The following HEMK1 variants were observed in gnomAD, a reference collection of about 807,000 sequenced individuals.
The protein encoded by HEMK1 is HemK methyltransferase 1, mitochondrial release factors N(5)-glutamine, also known as MTRF1L release factor glutamine methyltransferase.
HEMK1 carries 36 observed loss-of-function variants against 47.9 expected under a neutral mutation model. The ratio of observed to expected loss-of-function variants is 0.75; its 90% CI spans 0.58 to 0.99. The LOEUF (loss-of-function observed/expected upper bound fraction) is 0.99, where lower values mean the gene tolerates loss of function less well. Ranked by LOEUF, HEMK1 falls within the 50% of genes least tolerant of loss-of-function variation. The pLI is 0.00. For missense variants in HEMK1, 383 were observed against 434.5 expected (o/e 0.88, Z 1.05); for synonymous variants, 153 against 165.4 (o/e 0.93, Z 0.57).
chr3:50,578,961 G>A lies in HEMK1; in HGVS notation c.770+35G>A, dbSNP rs746978334. 22 of 1,486,858 alleles carry A rather than the reference G, an allele frequency of 1.5e-5. No homozygotes were observed. In the African/African-American group the frequency reaches 3.0e-4, roughly 21 times the overall value. 92.1% of individuals were successfully genotyped at this position (1,486,858 alleles called of 1,614,324 possible). Reference sequence around the variant, plus strand: ...AGGGTGGGCCAGGGAGGCCAGGCCTGAAAAGGCCTGATGGGATTAGTCTGC... The same window carrying A: ...AGGGTGGGCCAGGGAGGCCAGGCCTAAAAAGGCCTGATGGGATTAGTCTGC... On this transcript the variant is annotated intron_variant, in intron 8 of 10. Coordinates refer to ENST00000232854, the MANE Select transcript of HEMK1 (RefSeq NM_016173.5).
chr3:50,573,166 G>T (rs941707540), intron 4 of HEMK1, among the ~76,000 whole-genome samples: 1 of 152,060 alleles, frequency 6.6e-6, no homozygotes, highest in Admixed American at 6.5e-5. Context: ...TCAGGGCAGG[G>T]ACAGTAGGGA....
rs1164629805 is a variant in HEMK1, at chr3:50,571,000, C to T, written c.-105C>T. 7.3e-6 allele frequency: 6 copies of T among 819,262 alleles called. No homozygotes were observed. The highest frequency in any genetic ancestry group is 2.8e-5 in the East Asian group (1 of 36,026). The allele number at this position is 819,262 out of a possible 1,614,324, so 50.7% of individuals were successfully genotyped here. A position where few individuals can be genotyped will look rare whatever the true frequency, so the allele number is the denominator to read the frequency against. On this transcript the variant is annotated 5_prime_UTR_variant, in exon 2 of 11. Transcript: ENST00000232854. ...CCAGAGCTTGTGACCTCTCCATCTC[C>T]ACCCAGCTGGGTCCAGGGGCCACTC...
rs762889 is a variant in HEMK1 at position 50,579,991 on chromosome 3, C to T, written c.866+52C>T. The T allele has an allele frequency of 0.025, 39,035 of 1,533,964 alleles. 6,011 individuals carry two copies. The East Asian group carries it at 0.33, about 13-fold the overall frequency. On this transcript the variant is annotated intron_variant, in intron 9 of 10. Coordinates refer to ENST00000232854, the MANE Select transcript of HEMK1 (RefSeq NM_016173.5). ...CTGTCCCCAGCAGGCTCCTCTGCTC[C>T]TAATGTGTACTGGGCAGGCCCTGGC...
At chr3:50,577,666 A>G in intron 6 of HEMK1, 93 bp downstream of exon 6, 1 of 1,436,480 alleles carries the variant, frequency 7.0e-7, no homozygotes, top group African/African-American at 1.4e-5. Flanking sequence ...AAGAAGGAGG[A>G]AGCAGTGGGG....
intron 4 of HEMK1, among the ~76,000 whole-genome samples, chr3:50,575,952 T>G (rs1701547391): frequency 6.6e-6 from 1 of 152,234 alleles, no homozygotes; most frequent in Non-Finnish European, 1.5e-5. Context: ...AGGCAGTGGC[T>G]GGGTAGGCAA....
rs1241346331 is a variant in HEMK1 at position 50,595,893 on chromosome 3, C to T, written c.*15476C>T. On this transcript the variant is annotated 3_prime_UTR_variant, in exon 11 of 11. Transcript: ENST00000232854. ...AGCCACGCAAAGGAAGAGGTTTCCA[C>T]ACCTGGGATTGATACTGCTGGGACT... 6.6e-5 allele frequency: 10 copies of T among 152,232 alleles called. No individual in the cohort carries two copies. The highest frequency in any genetic ancestry group is 1.5e-4 in the Non-Finnish European group (10 of 68,048). The allele number at this position is 152,232 out of a possible 1,614,324, so 9.4% of individuals were successfully genotyped here. A position where few individuals can be genotyped will look rare whatever the true frequency, so the allele number is the denominator to read the frequency against.
chr3:50,589,242 A>G lies in HEMK1; in HGVS notation c.*8825A>G, dbSNP rs2107538385. ...CGCTGATTCTCACAGATAATTGTTT[A>G]CAAATGCTAGCACTGTGTCTGAAGC... On this transcript the variant is annotated 3_prime_UTR_variant, in exon 11 of 11. Transcript: ENST00000232854. 1.3e-5 allele frequency: 2 copies of G among 152,290 alleles called. No individual in the cohort carries two copies. Among genetic ancestry groups the G allele is most frequent in the South Asian group, 4.1e-4 (2 of 4,828 alleles). 9.4% of individuals were successfully genotyped at this position (152,290 alleles called of 1,614,324 possible). A position where few individuals can be genotyped will look rare whatever the true frequency, so the allele number is the denominator to read the frequency against.
At chr3:50,573,857 C>T (rs1166216550) in intron 4 of HEMK1, among the ~76,000 whole-genome samples, 1 of 152,174 alleles carries the variant, frequency 6.6e-6, no homozygotes, top group African/African-American at 2.4e-5. Context: ...TGGTTCAGCC[C>T]CTGGCCTGGC....
chr3:50,570,599 T>C (rs1490530436), intron 1 of HEMK1: 4 of 152,444 alleles, frequency 2.6e-5, no homozygotes, highest in Admixed American at 2.6e-4. Flanking sequence ...CCCCATCTTA[T>C]GGATTAAGAA....
rs1478174067 is a variant in HEMK1, at chr3:50,580,221, C to G, written c.972C>G (p.Phe324Leu). 6.2e-7 allele frequency: 1 copy of G among 1,613,992 alleles called. No individual in the cohort carries two copies. The highest frequency in any genetic ancestry group is 1.1e-5 in the South Asian group (1 of 91,084). ...ATCTTGTGGCTGTGCGCAGGGACTT[C>G]TGTGGGAGGTAAGATCCTAGCCCCC... is the stretch of plus-strand genomic sequence containing the variant. Reference protein sequence around the residue: ...YLNLVAVRRDFCGRPRFLHIR... With the variant: ...YLNLVAVRRDLCGRPRFLHIR... Residue 324 changes from phenylalanine (F) to leucine (L), a missense_variant, in exon 10 of 11, where the codon TTC becomes TTG. Phe to Leu is a conservative substitution (Grantham distance 22, BLOSUM62 0). Transcript: ENST00000232854.
At chr3:50,575,935 T>C (rs982806937) in intron 4 of HEMK1, among the ~76,000 whole-genome samples, 2 of 152,230 alleles carry the variant, frequency 1.3e-5, no homozygotes, top group Non-Finnish European at 2.9e-5. Context: ...ACAGGCATAG[T>C]CCTTGCAGGC....
chr3:50,572,254 T>G, intron 4 of HEMK1, 46 bp downstream of exon 4: 1 of 1,571,886 alleles, frequency 6.4e-7, no homozygotes, highest in Non-Finnish European at 8.7e-7. Flanking sequence ...GATGGTGGAG[T>G]TCAGGGCACC....
At chr3:50,579,988 C>T in intron 9 of HEMK1, 49 bp downstream of exon 9, 1 of 1,552,568 alleles carries the variant, frequency 6.4e-7, no homozygotes, top group South Asian at 1.1e-5. Flanking sequence ...GGCTCCTCTG[C>T]TCCTAATGTG....
chr3:50,594,649 C>T lies in HEMK1; in HGVS notation c.*14232C>T, dbSNP rs2031877460. 6.6e-6 allele frequency: 1 copy of T among 152,306 alleles called. No individual in the cohort carries two copies. The highest frequency in any genetic ancestry group is 2.1e-4 in the South Asian group (1 of 4,832). The allele number at this position is 152,306 out of a possible 1,614,324, so 9.4% of individuals were successfully genotyped here. On this transcript the variant is annotated 3_prime_UTR_variant, in exon 11 of 11. Coordinates refer to ENST00000232854, the MANE Select transcript of HEMK1 (RefSeq NM_016173.5). ...GTAAGTAACCAAAAGTGCCTGAGAG[C>T]TAATCCCCTGGAGCAGCCTGAAACC...
chr3:50,584,906 TGA>T lies in HEMK1; in HGVS notation c.*4493_*4494del, dbSNP rs924123913. ...AAATGGGCAGAGGCTGGAAGAATTT[TGA>T]GAGTCATGATAAATTGCCTTAACCA... is the stretch of plus-strand genomic sequence containing the variant. On this transcript the variant is annotated 3_prime_UTR_variant, in exon 11 of 11. Transcript: ENST00000232854. 2.6e-5 allele frequency: 4 copies of T among 152,318 alleles called. No homozygotes were observed. Among genetic ancestry groups the T allele is most frequent in the Admixed American group, 2.0e-4 (3 of 15,302 alleles). 9.4% of individuals were successfully genotyped at this position (152,318 alleles called of 1,614,324 possible).
At chr3:50,571,590 C>T in intron 2 of HEMK1, 120 bp from the exon 3 acceptor site, 3 of 948,966 alleles carry the variant, frequency 3.2e-6, no homozygotes, top group East Asian at 2.4e-5. Flanking sequence ...CCCTCTGGGC[C>T]CAGATGATGA....
At position 50,580,381 on chromosome 3, in the gene HEMK1, G is replaced by T; in HGVS notation, c.981G>T (p.Arg327Ser). The T allele has an allele frequency of 6.2e-7, 1 of 1,614,108 alleles. No homozygotes were observed. The highest frequency in any genetic ancestry group is 8.5e-7 in the Non-Finnish European group (1 of 1,180,006). Residue 327 changes from arginine to serine, a missense_variant and splice_region_variant, in exon 11 of 11, where the codon AGG (arginine) becomes AGT (serine). Arg to Ser is a moderately radical substitution (Grantham distance 110). Transcript: ENST00000232854. ...LVAVRRDFCG[R>S]PRFLHIRRSG... ...CCAGCCCCTGTCCCTGTCTCCTCAG[G>T]CCCCGGTTCCTGCATATCCGGAGGT...
At chr3:50,572,936 G>C (rs1701175993) in intron 4 of HEMK1, among the ~76,000 whole-genome samples, 2 of 152,244 alleles carry the variant, frequency 1.3e-5, no homozygotes, top group African/African-American at 4.8e-5. Flanking sequence ...TGGTGGGCAA[G>C]CCAGAGGGCG....
intron 3 of HEMK1, 117 bp downstream of exon 3, chr3:50,571,918 G>A: frequency 7.6e-7 from 1 of 1,312,018 alleles, no homozygotes; most frequent in Non-Finnish European, 1.1e-6. Flanking sequence ...AGGTGTTGGG[G>A]TGCAGGAGTG....
Sources: allele counts gnomAD v4.1 joint callset (sites outside exome capture counted in the v4.1 genomes callset), GRCh38; gene constraint gnomAD v4.1.1; transcripts MANE v1.5; gene names NCBI Gene and HGNC (gene_info 2026-07-23, HGNC 2026-07-21).